The following CCDC69 variants were observed in gnomAD, a reference collection of about 807,000 sequenced individuals.
CCDC69 encodes the protein coiled-coil domain-containing protein 69.
CCDC69 carries 38 observed loss-of-function variants against 40.3 expected under a neutral mutation model. The ratio of observed to expected loss-of-function variants is 0.94; its 90% CI spans 0.73 to 1.24. The LOEUF (loss-of-function observed/expected upper bound fraction) is 1.24, where lower values mean the gene tolerates loss of function less well. Ranked by LOEUF, CCDC69 falls within the 50% of genes most tolerant of loss-of-function variation. The pLI is 0.00. For synonymous variants in CCDC69, 141 were observed against 138.9 expected (o/e 1.02, Z -0.11); for missense variants, 389 against 357.9 (o/e 1.09, Z -0.70).
At chr5:151,188,691 T>C (rs1399979257) in intron 4 of CCDC69, among the ~76,000 whole-genome samples, 1 of 151,502 alleles carries the variant, frequency 6.6e-6, no homozygotes, top group Admixed American at 6.6e-5. Context: ...ATATAATATT[T>C]ATAAATATAT....
intron 1 of CCDC69, among the ~76,000 whole-genome samples, chr5:151,208,278 CAAACTATG>C (rs543283751): frequency 5.9e-4 from 89 of 152,062 alleles, no homozygotes; most frequent in Non-Finnish European, 1.1e-3. Flanking sequence ...AAACACAAGT[CAAACTATG>C]AAGAGGCTAT....
At chr5:151,183,679 C>G in intron 8 of CCDC69, 65 bp from the exon 9 acceptor site, 1 of 1,446,362 alleles carries the variant, frequency 6.9e-7, no homozygotes. Flanking sequence ...CCAACCCATT[C>G]CCCCAGGAAG....
intron 1 of CCDC69, among the ~76,000 whole-genome samples, chr5:151,220,246 G>A (rs768195115): frequency 1.3e-5 from 2 of 152,138 alleles, no homozygotes; most frequent in Non-Finnish European, 2.9e-5. Flanking sequence ...CATCCTTCTT[G>A]CTAGTCAGGG....
chr5:151,185,749 C>A (rs1752500109), intron 6 of CCDC69, among the ~76,000 whole-genome samples: 1 of 152,248 alleles, frequency 6.6e-6, no homozygotes, highest in South Asian at 2.1e-4. Flanking sequence ...GTGGTTCGGA[C>A]AGGTTGAGTC....
At chr5:151,203,634 TA>T (rs1752807730) in intron 2 of CCDC69, among the ~76,000 whole-genome samples, 2 of 142,306 alleles carry the variant, frequency 1.4e-5, no homozygotes, top group African/African-American at 2.6e-5. Context: ...ATATATGTAC[TA>T]AATATGCAGC....
intron 2 of CCDC69, among the ~76,000 whole-genome samples, chr5:151,203,151 C>T (rs1752799147): frequency 6.6e-6 from 1 of 152,056 alleles, no homozygotes; most frequent in African/African-American, 2.4e-5. Flanking sequence ...GGGATATGAA[C>T]CTACACAATC....
At chr5:151,200,345 C>G (rs1752759800) in intron 3 of CCDC69, among the ~76,000 whole-genome samples, 1 of 151,882 alleles carries the variant, frequency 6.6e-6, no homozygotes, top group Non-Finnish European at 1.5e-5. Flanking sequence ...CGCCATGTTG[C>G]CCAGGCTGTT....
At chr5:151,192,628 T>C (rs1241773616) in intron 4 of CCDC69, among the ~76,000 whole-genome samples, 1 of 152,132 alleles carries the variant, frequency 6.6e-6, no homozygotes, top group Non-Finnish European at 1.5e-5. Context: ...CTATATAATC[T>C]CTCCCAGAAA....
intron 4 of CCDC69, among the ~76,000 whole-genome samples, chr5:151,188,377 G>A (rs749166347): frequency 6.6e-6 from 1 of 152,192 alleles, no homozygotes; most frequent in Non-Finnish European, 1.5e-5. Context: ...GGCTGAGGTG[G>A]AAGGATCACT....
intron 1 of CCDC69, among the ~76,000 whole-genome samples, 165 bp downstream of exon 1, chr5:151,223,758 C>A (rs1351324053): frequency 6.6e-6 from 1 of 152,174 alleles, no homozygotes; most frequent in Non-Finnish European, 1.5e-5. Flanking sequence ...GGGTAAAGGG[C>A]GCCTCCCAGC....
intron 1 of CCDC69, among the ~76,000 whole-genome samples, chr5:151,222,125 G>A (rs995743650): frequency 1.3e-5 from 2 of 152,232 alleles, no homozygotes; most frequent in African/African-American, 2.4e-5. Context: ...GGAGCTAGGG[G>A]ACTAGATACC....
At position 151,187,427 on chromosome 5, in the gene CCDC69, C is replaced by T. The variant is rs751437294; in HGVS notation, c.352G>A (p.Ala118Thr). 75 of 1,614,002 alleles carry T rather than the reference C, an allele frequency of 4.6e-5. No homozygotes were observed. Among genetic ancestry groups the T allele is most frequent in the Admixed American group, 1.0e-4 (6 of 59,998 alleles). The part of the protein sequence containing the change: ...LRASYEQEKE[A>T]LTHSFREASS... ...GCCTCCCGGAAAGAGTGGGTAAGCG[C>T]TTCTTTCTCCTGTTCATATGAGGCC... Residue 118 changes from alanine to threonine, a missense_variant, in exon 5 of 9, where the codon GCG (alanine) becomes ACG (threonine). Coordinates refer to ENST00000355417, the MANE Select transcript of CCDC69 (RefSeq NM_015621.3).
chr5:151,195,872 T>C (rs888657578), intron 4 of CCDC69, among the ~76,000 whole-genome samples: 1 of 152,160 alleles, frequency 6.6e-6, no homozygotes, highest in African/African-American at 2.4e-5. Flanking sequence ...TTGCAATATG[T>C]TTCAAGATTC....
chr5:151,203,906 C>T (rs1365502126), intron 2 of CCDC69, among the ~76,000 whole-genome samples: 3 of 136,588 alleles, frequency 2.2e-5, no homozygotes, highest in South Asian at 2.3e-4. Flanking sequence ...AAATATATAT[C>T]GTATATATAG....
In CCDC69 at chr5:151,183,476, G is replaced by C; in HGVS notation, c.852C>G (p.Ala284=). 2 of 1,606,538 alleles carry C rather than the reference G, an allele frequency of 1.2e-6. No homozygotes were observed. Among genetic ancestry groups the C allele is most frequent in the Non-Finnish European group, 1.7e-6 (2 of 1,177,470 alleles). ...GANASPAFPL[A]PVTPTEVSFL... is the part of the protein sequence containing the mutation. Reference sequence around the variant, plus strand: ...AAGAGACCTCAGTGGGAGTGACAGGGGCCAGAGGGAAGGCAGGCGAGGCAT... The same window carrying C: ...AAGAGACCTCAGTGGGAGTGACAGGCGCCAGAGGGAAGGCAGGCGAGGCAT... The change falls in exon 9 of 9, where the codon GCC becomes GCG. Residue 284 remains alanine, a synonymous_variant. Coordinates refer to ENST00000355417, the MANE Select transcript of CCDC69 (RefSeq NM_015621.3).
intron 6 of CCDC69, 85 bp downstream of exon 6, chr5:151,185,938 G>A (rs1752502363): frequency 1.1e-6 from 1 of 895,916 alleles, no homozygotes; most frequent in Admixed American, 1.7e-5. Flanking sequence ...TCTTGTCCTT[G>A]AAGAGGGGCT....
intron 1 of CCDC69, among the ~76,000 whole-genome samples, chr5:151,219,382 C>T (rs1029592528): frequency 2.0e-5 from 3 of 151,992 alleles, no homozygotes; most frequent in African/African-American, 4.8e-5. Flanking sequence ...TTGACCCCCC[C>T]GAGTCCAAAG....
chr5:151,196,905 G>C lies in CCDC69; in HGVS notation c.319+2092C>G, dbSNP rs549609129. ...GGGGGAACTGAAAACAGCTGTTCAA[G>C]TAGGTGCCTGTACTAGTGGCACTAT... On this transcript the variant is annotated intron_variant, in intron 4 of 8. Transcript: ENST00000355417. Among the ~76,000 whole-genome samples, 16 of 152,352 alleles carry C rather than the reference G, an allele frequency of 1.1e-4. 1 individual carries two copies. In the South Asian group the frequency reaches 3.3e-3, roughly 32 times the overall value.
intron 5 of CCDC69, 30 bp downstream of exon 5, chr5:151,187,356 C>T (rs866016314): frequency 2.5e-6 from 4 of 1,604,706 alleles, no homozygotes; most frequent in Non-Finnish European, 3.4e-6. Flanking sequence ...TTACCCTTAT[C>T]CAAGACTGAC....
Sources: gnomAD v4.1 joint callset for allele counts (sites outside exome capture counted in the v4.1 genomes callset) on GRCh38, gnomAD v4.1.1 for gene constraint, MANE v1.5 for transcripts, NCBI Gene and HGNC (gene_info 2026-07-23, HGNC 2026-07-21) for gene names.